Variants in SDF2 observed in about 807,000 individuals in gnomAD.
SDF2 encodes the protein stromal cell-derived factor 2.
Under a neutral mutation model 20.5 loss-of-function variants are expected in SDF2, and 12 were observed. The observed-to-expected ratio is 0.58, with a 90% CI of 0.37 to 0.95. The LOEUF is 0.95. Among genes scored for constraint, SDF2 ranks in the 40% least tolerant of loss-of-function variants. The pLI, the probability that SDF2 is intolerant of heterozygous loss-of-function variation, is 0.01. For missense variants in SDF2, 238 were observed against 263.1 expected (o/e 0.90, Z 0.66); for synonymous variants, 100 against 101.0 (o/e 0.99, Z 0.06).
chr17:28,659,020 C>T (rs1370980989), intron 1 of SDF2, among the ~76,000 whole-genome samples: 19 of 140,058 alleles, frequency 1.4e-4, no homozygotes, highest in East Asian at 6.8e-4. Context: ...CCAGACGGGG[C>T]GGCCGTGCAG....
rs111562932 is a variant in SDF2, at chr17:28,654,354, T to TAA, written c.348+931_348+932dup. On this transcript the variant is annotated intron_variant, in intron 2 of 2. Transcript: ENST00000247020. ...TCCTAATGTAACTAGTTAGCATCAT[T>TAA]AAAAAAAAAAAAAACACTGCAAGTT... 9.3e-5 allele frequency among the ~76,000 whole-genome samples: 13 copies of TAA among 139,246 alleles called. 2 individuals carry two copies. The East Asian group carries it at 1.6e-3, about 18-fold the overall frequency. The allele number at this position is 139,246 out of a possible 152,430, so 91.4% of individuals were successfully genotyped here.
Position 28,653,919 on chromosome 17 carries a change from C to T in SDF2, c.348+1368G>A, listed in dbSNP as rs543265317. Reference sequence around the variant, plus strand: ...CATTAAATATAGCAAATTTACCCTTCGAAGGTAAGATATTAATAGGGAAAA... The same window carrying T: ...CATTAAATATAGCAAATTTACCCTTTGAAGGTAAGATATTAATAGGGAAAA... On this transcript the variant is annotated intron_variant, in intron 2 of 2. Coordinates refer to ENST00000247020, the MANE Select transcript of SDF2 (RefSeq NM_006923.4). Among the ~76,000 whole-genome samples, 6 of 152,226 alleles carry T rather than the reference C, an allele frequency of 3.9e-5. No homozygotes were observed. In the South Asian group the frequency reaches 1.2e-3, roughly 32 times the overall value.
chr17:28,656,937 G>T (rs1329519216), intron 1 of SDF2, among the ~76,000 whole-genome samples: 1 of 152,058 alleles, frequency 6.6e-6, no homozygotes, highest in Non-Finnish European at 1.5e-5. Flanking sequence ...TATTATAAAC[G>T]TATTATTTAA....
At chr17:28,655,594 G>C in intron 1 of SDF2, 111 bp from the exon 2 acceptor site, 1 of 869,742 alleles carries the variant, frequency 1.1e-6, no homozygotes, top group East Asian at 2.4e-5. Flanking sequence ...CCACCACCAT[G>C]ACCAAGGAAG....
At chr17:28,650,090 T>C (rs2071900803) in intron 2 of SDF2, among the ~76,000 whole-genome samples, 1 of 152,004 alleles carries the variant, frequency 6.6e-6, no homozygotes, top group South Asian at 2.1e-4. Flanking sequence ...GTAGCTGGGA[T>C]TACAGGCATG....
chr17:28,650,961 T>C (rs779211563), intron 2 of SDF2, among the ~76,000 whole-genome samples: 2 of 151,888 alleles, frequency 1.3e-5, no homozygotes, highest in Non-Finnish European at 2.9e-5. Context: ...AGTTTTTTGG[T>C]AGGCAACTGT....
At position 28,648,752 on chromosome 17, in the gene SDF2, C is replaced by T; in HGVS notation, c.*237G>A. 1 of 569,970 alleles carries T rather than the reference C, an allele frequency of 1.8e-6. No individual in the cohort carries two copies. Among genetic ancestry groups the T allele is most frequent in the East Asian group, 2.9e-5 (1 of 34,524 alleles). The allele number at this position is 569,970 out of a possible 1,614,324, so 35.3% of individuals were successfully genotyped here. A position where few individuals can be genotyped will look rare whatever the true frequency, so the allele number is the denominator to read the frequency against. ...ATCAGTACTAATAAAAAGCATCTGCCCCTTTACCAGCAAGTCCTCTACTCA... is the reference window on the plus strand; with the variant it reads ...ATCAGTACTAATAAAAAGCATCTGCTCCTTTACCAGCAAGTCCTCTACTCA... On this transcript the variant is annotated 3_prime_UTR_variant, in exon 3 of 3. Transcript: ENST00000247020.
intron 1 of SDF2, among the ~76,000 whole-genome samples, chr17:28,660,182 C>T (rs113918726): frequency 4.6e-5 from 7 of 152,098 alleles, no homozygotes; most frequent in South Asian, 2.1e-4. Context: ...GAGGTTGCAG[C>T]GAGCCGAGAT....
intron 2 of SDF2, among the ~76,000 whole-genome samples, chr17:28,654,442 G>A (rs2071939096): frequency 6.6e-6 from 1 of 150,782 alleles, no homozygotes; most frequent in Non-Finnish European, 1.5e-5. Flanking sequence ...TGTATACCCA[G>A]TCTGTCTGTC....
At chr17:28,650,472 CTTTT>C (rs910535322) in intron 2 of SDF2, among the ~76,000 whole-genome samples, 8 of 148,356 alleles carry the variant, frequency 5.4e-5, no homozygotes, top group African/African-American at 1.7e-4. Context: ...AACAGAATTT[CTTTT>C]TTTTTTCTTT....
At chr17:28,652,318 A>T (rs1242051237) in intron 2 of SDF2, among the ~76,000 whole-genome samples, 7 of 152,138 alleles carry the variant, frequency 4.6e-5, no homozygotes, top group African/African-American at 7.2e-5. Flanking sequence ...TTATTTTTTT[A>T]ATTTTTTTTT....
upstream of SDF2, chr17:28,662,014 G>C: frequency 9.7e-7 from 1 of 1,030,668 alleles, no homozygotes; most frequent in East Asian, 2.6e-5. Context: ...GACTAGAGCG[G>C]CCTGAGAAAC....
chr17:28,651,613 A>G (rs1254334238), intron 2 of SDF2: 2 of 152,260 alleles, frequency 1.3e-5, no homozygotes, highest in South Asian at 4.1e-4. Context: ...ATATTAACTG[A>G]GCAAAACATA....
In SDF2 at chr17:28,661,716, C is replaced by G; in HGVS notation, c.151+10G>C. 1.2e-6 allele frequency: 2 copies of G among 1,607,248 alleles called. No individual in the cohort carries two copies. Among genetic ancestry groups the G allele is most frequent in the Admixed American group, 1.7e-5 (1 of 59,918 alleles). On this transcript the variant is annotated intron_variant, in intron 1 of 2. Transcript: ENST00000247020. The stretch of plus-strand genomic sequence containing the variant: ...TCCCTAGCCCACCCGAGCCCGGTCC[C>G]CAGCATTACCTGACCCATAGCGCAC...
At chr17:28,660,799 G>A (rs1216490738) in intron 1 of SDF2, 3 of 163,026 alleles carry the variant, frequency 1.8e-5, no homozygotes, top group Non-Finnish European at 4.0e-5. Flanking sequence ...TCAGCAAACA[G>A]CATCATCAGT....
intron 2 of SDF2, chr17:28,651,469 C>G (rs1188358539): frequency 1.3e-5 from 2 of 152,242 alleles, no homozygotes; most frequent in East Asian, 3.8e-4. Flanking sequence ...GGAATGGACT[C>G]TGGGAGTCAG....
chr17:28,661,656 T>A, intron 1 of SDF2, 70 bp downstream of exon 1: 1 of 1,527,052 alleles, frequency 6.5e-7, no homozygotes, highest in South Asian at 1.2e-5. Context: ...TGTCAGATAT[T>A]CTATAGGCCC....
intron 2 of SDF2, among the ~76,000 whole-genome samples, chr17:28,652,034 A>G (rs1462699895): frequency 1.3e-5 from 2 of 152,130 alleles, no homozygotes; most frequent in African/African-American, 4.8e-5. Context: ...AGCCAGGCAC[A>G]GTGGGGCATG....
At position 28,649,015 on chromosome 17, in the gene SDF2, CCTT is replaced by C; in HGVS notation, c.607_609del (p.Lys203del). Reference sequence around the variant, plus strand: ...CACAGCTCTGCATGGTGGGCTTCTGCCTTCAACAACTCACTGGGCTTCATGAAG... The same window carrying C: ...CACAGCTCTGCATGGTGGGCTTCTGCCAACAACTCACTGGGCTTCATGAAG... On this transcript the variant is annotated inframe_deletion, in exon 3 of 3. Transcript: ENST00000247020. The C allele has an allele frequency of 6.2e-7, 1 of 1,614,224 alleles. No homozygotes were observed. Among genetic ancestry groups the C allele is most frequent in the Non-Finnish European group, 8.5e-7 (1 of 1,180,038 alleles).
Sources: gnomAD v4.1 joint callset for allele counts (sites outside exome capture counted in the v4.1 genomes callset) on GRCh38, gnomAD v4.1.1 for gene constraint, MANE v1.5 for transcripts, NCBI Gene and HGNC (gene_info 2026-07-23, HGNC 2026-07-21) for gene names.